Variants in CYYR1 observed in about 807,000 individuals in gnomAD.
CYYR1 encodes cysteine and tyrosine rich 1.
In CYYR1, 14 loss-of-function variants were observed where a neutral mutation model predicts 15.2. The ratio of observed to expected loss-of-function variants is 0.92; its 90% CI spans 0.61 to 1.44. The LOEUF is 1.44. CYYR1 is among the 40% of genes most tolerant of loss of function. CYYR1 has a pLI of 0.00. For missense variants in CYYR1, 228 were observed against 209.5 expected, an observed-to-expected ratio of 1.09 and a Z score of -0.54; for synonymous variants, 80 against 77.4, an observed-to-expected ratio of 1.03 and a Z score of -0.18.
At chr21:26,517,252 A>G (rs923637211) in intron 2 of CYYR1, among the ~76,000 whole-genome samples, 5 of 151,818 alleles carry the variant, frequency 3.3e-5, no homozygotes, top group African/African-American at 1.2e-4. Flanking sequence ...GGGCAGCTCT[A>G]TAGTAGGATT....
chr21:26,552,816 C>A (rs1336042165), intron 2 of CYYR1, among the ~76,000 whole-genome samples: 1 of 152,046 alleles, frequency 6.6e-6, no homozygotes, highest in African/African-American at 2.4e-5. Flanking sequence ...AATATTACAT[C>A]TAAACCATTG....
intron 2 of CYYR1, among the ~76,000 whole-genome samples, chr21:26,509,637 G>C (rs768069424): frequency 1.3e-5 from 2 of 152,198 alleles, no homozygotes; most frequent in African/African-American, 2.4e-5. Context: ...GCCTGCTTAA[G>C]TCAGATGACT....
chr21:26,489,357 A>T (rs1256710906), intron 2 of CYYR1, among the ~76,000 whole-genome samples: 1 of 152,176 alleles, frequency 6.6e-6, no homozygotes, highest in East Asian at 1.9e-4. Flanking sequence ...TTGATTGATG[A>T]ACAAAAAGTA....
chr21:26,570,463 C>T (rs545666937), intron 1 of CYYR1, among the ~76,000 whole-genome samples: 109 of 152,278 alleles, frequency 7.2e-4, no homozygotes, highest in African/African-American at 2.5e-3. Context: ...CTGGCTGAGG[C>T]CCGGAAGGTA....
chr21:26,546,688 T>G (rs2123669809), intron 2 of CYYR1, among the ~76,000 whole-genome samples: 1 of 152,306 alleles, frequency 6.6e-6, no homozygotes, highest in African/African-American at 2.4e-5. Context: ...AATATCTTAC[T>G]TTTGCAACTG....
chr21:26,487,340 G>A (rs915219456), intron 2 of CYYR1, among the ~76,000 whole-genome samples: 1 of 151,998 alleles, frequency 6.6e-6, no homozygotes, highest in Non-Finnish European at 1.5e-5. Context: ...GTTAAAGAAG[G>A]TAATATTTAG....
At chr21:26,542,296 T>TGTGTGTGC (rs1978625947) in intron 2 of CYYR1, among the ~76,000 whole-genome samples, 1 of 148,734 alleles carries the variant, frequency 6.7e-6, no homozygotes, top group African/African-American at 2.5e-5. Context: ...TGTGCGTGTG[T>TGTGTGTGC]GTGTGTGTGT....
chr21:26,513,148 CA>C (rs1439021977), intron 2 of CYYR1, among the ~76,000 whole-genome samples: 1 of 152,222 alleles, frequency 6.6e-6, no homozygotes, highest in East Asian at 1.9e-4. Flanking sequence ...TTCACCATGG[CA>C]GTTCAACAAT....
chr21:26,513,779 A>G (rs986446179), intron 2 of CYYR1, among the ~76,000 whole-genome samples: 1 of 151,926 alleles, frequency 6.6e-6, no homozygotes, highest in African/African-American at 2.4e-5. Flanking sequence ...TCCAAAGAGG[A>G]AAAAACCATG....
chr21:26,561,773 A>G (rs1185834244), intron 2 of CYYR1, among the ~76,000 whole-genome samples: 1 of 152,208 alleles, frequency 6.6e-6, no homozygotes, highest in Non-Finnish European at 1.5e-5. Flanking sequence ...CTAGCTCACT[A>G]TGTCCAAACT....
At chr21:26,480,561 TTTTC>T (rs908205711) in intron 2 of CYYR1, 132 bp from the exon 3 acceptor site, 1 of 874,842 alleles carries the variant, frequency 1.1e-6, no homozygotes, top group Non-Finnish European at 1.5e-6. Flanking sequence ...TGTGTTTTTC[TTTTC>T]TTTTTTTTTT....
chr21:26,542,484 A>C (rs1174675750), intron 2 of CYYR1, among the ~76,000 whole-genome samples: 2 of 152,178 alleles, frequency 1.3e-5, no homozygotes, highest in African/African-American at 4.8e-5. Context: ...CTCTCAGCGA[A>C]TTAGGAACAG....
intron 2 of CYYR1, among the ~76,000 whole-genome samples, chr21:26,511,781 T>C (rs1226330851): frequency 6.6e-6 from 1 of 152,218 alleles, no homozygotes; most frequent in African/African-American, 2.4e-5. Context: ...AATGATTGCT[T>C]TCCTCCTTTT....
In CYYR1 at chr21:26,513,831, G is replaced by A. The variant is rs543552853; in HGVS notation, c.177-33402C>T. ...TTGCAAGGACAAAAAACCAAACACC[G>A]CATGTTCTCACTCATAGGTGGGAAT... On this transcript the variant is annotated intron_variant, in intron 2 of 3. Coordinates refer to ENST00000652641, the MANE Select transcript of CYYR1 (RefSeq NM_001320768.2). Among the ~76,000 whole-genome samples, 7 of 146,312 alleles carry A rather than the reference G, an allele frequency of 4.8e-5. No individual in the cohort carries two copies. The East Asian group carries it at 8.2e-4, about 17-fold the overall frequency.
chr21:26,518,781 A>C (rs1444912842), intron 2 of CYYR1, among the ~76,000 whole-genome samples: 1 of 152,174 alleles, frequency 6.6e-6, no homozygotes, highest in Non-Finnish European at 1.5e-5. Flanking sequence ...TGCTTCAATA[A>C]ATTTTGATCC....
At chr21:26,493,843 T>C (rs1281871403) in intron 2 of CYYR1, among the ~76,000 whole-genome samples, 2 of 152,192 alleles carry the variant, frequency 1.3e-5, no homozygotes, top group Admixed American at 6.5e-5. Context: ...AAGATGAACA[T>C]GTTTATAAAA....
At chr21:26,519,886 A>G (rs1258507345) in intron 2 of CYYR1, among the ~76,000 whole-genome samples, 1 of 152,084 alleles carries the variant, frequency 6.6e-6, no homozygotes, top group African/African-American at 2.4e-5. Flanking sequence ...CTAGGTATAT[A>G]CCCAAAGTAA....
chr21:26,476,532 T>C (rs893879159), intron 3 of CYYR1, among the ~76,000 whole-genome samples: 20 of 152,212 alleles, frequency 1.3e-4, no homozygotes, highest in Admixed American at 1.2e-3. Flanking sequence ...TTGACATTCT[T>C]CTGTTAGGAA....
chr21:26,525,739 A>G (rs1399483490), intron 2 of CYYR1, among the ~76,000 whole-genome samples: 1 of 152,182 alleles, frequency 6.6e-6, no homozygotes, highest in Admixed American at 6.5e-5. Flanking sequence ...CCAAATCCCT[A>G]TAGTCATTGC....
Sources: gnomAD v4.1 joint callset for allele counts (sites outside exome capture counted in the v4.1 genomes callset) on GRCh38, gnomAD v4.1.1 for gene constraint, MANE v1.5 for transcripts, NCBI Gene and HGNC (gene_info 2026-07-23, HGNC 2026-07-21) for gene names.